The following RHBDD2 variants were observed in gnomAD, a reference collection of about 807,000 sequenced individuals.
RHBDD2 encodes rhomboid domain containing 2, also known as rhomboid domain-containing protein 2.
RHBDD2 carries 13 observed loss-of-function variants against 21.7 expected under a neutral mutation model. The observed-to-expected ratio is 0.60, with a 90% CI of 0.39 to 0.95. The LOEUF (loss-of-function observed/expected upper bound fraction) is 0.95, where lower values mean the gene tolerates loss of function less well. Ranked by LOEUF, RHBDD2 falls within the 40% of genes least tolerant of loss-of-function variation. The probability of loss-of-function intolerance (pLI) is 0.00; values close to 1 mark genes in which losing one functional copy is unlikely to be tolerated. For synonymous variants in RHBDD2, 225 were observed against 220.0 expected, an observed-to-expected ratio of 1.02 and a Z score of -0.20; for missense variants, 473 against 478.9, an observed-to-expected ratio of 0.99 and a Z score of 0.11.
chr7:75,884,179 C>T (rs920866095), intron 3 of RHBDD2, among the ~76,000 whole-genome samples: 29 of 152,146 alleles, frequency 1.9e-4, no homozygotes, highest in Non-Finnish European at 2.9e-5. Context: ...AGGCGTGAGC[C>T]ACTGCCCCCG....
Position 75,881,353 on chromosome 7 carries a change from TC to T in RHBDD2, c.179-474del, listed in dbSNP as rs1554542418. Reference sequence around the variant, plus strand: ...AAATAATTCATGGTCCCTTTTTTCTTCCTCTGAACAGCCACTATGGAAGGAG... The same window carrying T: ...AAATAATTCATGGTCCCTTTTTTCTTCTCTGAACAGCCACTATGGAAGGAG... On this transcript the variant is annotated intron_variant, in intron 1 of 3. Coordinates refer to ENST00000006777, the MANE Select transcript of RHBDD2 (RefSeq NM_001040456.3). 11 of 1,290,808 alleles carry T rather than the reference TC, an allele frequency of 8.5e-6. No individual in the cohort carries two copies. The South Asian group carries it at 9.9e-5, about 12-fold the overall frequency. The allele number at this position is 1,290,808 out of a possible 1,614,324, so 80.0% of individuals were successfully genotyped here. A position where few individuals can be genotyped will look rare whatever the true frequency, so the allele number is the denominator to read the frequency against.
chr7:75,882,245 C>T lies in RHBDD2; in HGVS notation c.586+9C>T. 2 of 1,599,950 alleles carry T rather than the reference C, an allele frequency of 1.3e-6. No individual in the cohort carries two copies. Among genetic ancestry groups the T allele is most frequent in the East Asian group, 4.5e-5 (2 of 44,736 alleles). On this transcript the variant is annotated intron_variant, in intron 2 of 3. Transcript: ENST00000006777. ...GTCCATCGGGCTGGCCTGTATCCTT[C>T]CTAGCAGAGAGCTATAGAACAACGC...
chr7:75,888,286 T>G lies in RHBDD2; in HGVS notation c.1032T>G (p.Ser344=), dbSNP rs782611896. Residue 344 remains serine, a synonymous_variant, in exon 4 of 4, where the codon TCT becomes TCG. Coordinates refer to ENST00000006777, the MANE Select transcript of RHBDD2 (RefSeq NM_001040456.3). ...TPVNSPGTVY[S]GALGTPGAAG... Reference sequence around the variant, plus strand: ...TGAACAGCCCTGGCACGGTGTATTCTGGGGCCTTGGGCACACCAGGGGCTG... The same window carrying G: ...TGAACAGCCCTGGCACGGTGTATTCGGGGGCCTTGGGCACACCAGGGGCTG... The G allele has an allele frequency of 6.2e-7, 1 of 1,613,352 alleles. No homozygotes were observed. Among genetic ancestry groups the G allele is most frequent in the Admixed American group, 1.7e-5 (1 of 60,028 alleles).
chr7:75,882,280 G>T, intron 2 of RHBDD2, 44 bp downstream of exon 2: 1 of 1,527,048 alleles, frequency 6.5e-7, no homozygotes, highest in Non-Finnish European at 8.8e-7. Context: ...CATGTCAAAG[G>T]GTGAACCAGG....
Position 75,883,846 on chromosome 7 carries a change from G to A in RHBDD2, c.735G>A (p.Arg245=), listed in dbSNP as rs1805486413. ...SSAERRAAQS[R]KLNPVPGSYP... ...CCGAGAGGAGGGCAGCCCAGAGCCG[G>A]AAGTAAGTGACAGAACTCTTAAGTG... The change falls in exon 3 of 4, where the codon CGG becomes CGA. Residue 245 remains arginine, a splice_region_variant and synonymous_variant. Transcript: ENST00000006777. 2 of 1,609,724 alleles carry A rather than the reference G, an allele frequency of 1.2e-6. No homozygotes were observed. Among genetic ancestry groups the A allele is most frequent in the Non-Finnish European group, 1.7e-6 (2 of 1,178,730 alleles).
chr7:75,888,366 G>A lies in RHBDD2; in HGVS notation c.*17G>A, dbSNP rs781873821. The A allele has an allele frequency of 3.1e-6, 5 of 1,591,516 alleles. No individual in the cohort carries two copies. In the South Asian group the frequency reaches 4.4e-5, roughly 14 times the overall value. On this transcript the variant is annotated 3_prime_UTR_variant, in exon 4 of 4. Coordinates refer to ENST00000006777, the MANE Select transcript of RHBDD2 (RefSeq NM_001040456.3). ...ATGCCCTGAGAGAATTTCTAGGGAA[G>A]TCATCTCACTTGGCCTTCTGAAGGT...
chr7:75,882,296 G>T, intron 2 of RHBDD2, 60 bp downstream of exon 2: 1 of 1,436,512 alleles, frequency 7.0e-7, no homozygotes, highest in Non-Finnish European at 9.4e-7. Context: ...CCAGGCTGGA[G>T]GGTCTGGGGT....
intron 3 of RHBDD2, among the ~76,000 whole-genome samples, chr7:75,885,540 G>A (rs181762944): frequency 5.3e-5 from 8 of 152,228 alleles, no homozygotes; most frequent in Non-Finnish European, 1.0e-4. Context: ...TGGGAAAGGC[G>A]TGTTCATCCA....
At position 75,888,857 on chromosome 7, in the gene RHBDD2, A is replaced by G. The variant is rs1231597012; in HGVS notation, c.*508A>G. On this transcript the variant is annotated 3_prime_UTR_variant, in exon 4 of 4. Transcript: ENST00000006777. ...CCCAGAAGCGGTGGGATGGGCCCCC[A>G]TGAACTGCAGCAGCATGCTGAGGTG... 3 of 165,076 alleles carry G rather than the reference A, an allele frequency of 1.8e-5. No individual in the cohort carries two copies. The highest frequency in any genetic ancestry group is 1.2e-4 in the Admixed American group (2 of 17,256). The allele number at this position is 165,076 out of a possible 1,614,324, so 10.2% of individuals were successfully genotyped here.
chr7:75,888,443 C>T lies in RHBDD2; in HGVS notation c.*94C>T, dbSNP rs782654432. On this transcript the variant is annotated 3_prime_UTR_variant, in exon 4 of 4. Coordinates refer to ENST00000006777, the MANE Select transcript of RHBDD2 (RefSeq NM_001040456.3). ...TTACTTATTGAACACCTCTATGTGC[C>T]AGGCTCTGTGTTGGGTACTTTGATC... 1.0e-6 allele frequency: 1 copy of T among 1,001,842 alleles called. No homozygotes were observed. Among genetic ancestry groups the T allele is most frequent in the Non-Finnish European group, 1.5e-6 (1 of 661,686 alleles). 62.1% of individuals were successfully genotyped at this position (1,001,842 alleles called of 1,614,324 possible).
In RHBDD2 at chr7:75,888,445, G is replaced by A; in HGVS notation, c.*96G>A. 1.0e-6 allele frequency: 1 copy of A among 990,932 alleles called. No individual in the cohort carries two copies. The allele number at this position is 990,932 out of a possible 1,614,324, so 61.4% of individuals were successfully genotyped here. A position where few individuals can be genotyped will look rare whatever the true frequency, so the allele number is the denominator to read the frequency against. On this transcript the variant is annotated 3_prime_UTR_variant, in exon 4 of 4. Coordinates refer to ENST00000006777, the MANE Select transcript of RHBDD2 (RefSeq NM_001040456.3). ...ACTTATTGAACACCTCTATGTGCCA[G>A]GCTCTGTGTTGGGTACTTTGATCAA...
intron 2 of RHBDD2, among the ~76,000 whole-genome samples, chr7:75,883,042 G>T (rs1275816820): frequency 1.3e-5 from 2 of 152,146 alleles, no homozygotes; most frequent in African/African-American, 4.8e-5. Context: ...AGTCCCTCAG[G>T]ATGATACTGG....
chr7:75,879,136 A>G lies in RHBDD2; in HGVS notation c.54A>G (p.Pro18=). 6.9e-7 allele frequency: 1 copy of G among 1,444,632 alleles called. No individual in the cohort carries two copies. The allele number at this position is 1,444,632 out of a possible 1,614,324, so 89.5% of individuals were successfully genotyped here. A position where few individuals can be genotyped will look rare whatever the true frequency, so the allele number is the denominator to read the frequency against. ...CRSWCLCPEV[P]SATFFTALLS... ...GCTGGTGCTTGTGTCCCGAGGTGCC[A>G]TCCGCCACCTTCTTCACTGCGCTGC... The change falls in exon 1 of 4, where the codon CCA becomes CCG. Residue 18 remains proline, a synonymous_variant. Coordinates refer to ENST00000006777, the MANE Select transcript of RHBDD2 (RefSeq NM_001040456.3).
At chr7:75,884,146 G>T (rs2116022436) in intron 3 of RHBDD2, among the ~76,000 whole-genome samples, 1 of 152,210 alleles carries the variant, frequency 6.6e-6, no homozygotes, top group Middle Eastern at 3.4e-3. Context: ...ACCTGCCTCG[G>T]CCTCCCAAAG....
chr7:75,883,317 A>G lies in RHBDD2; in HGVS notation c.587-381A>G, dbSNP rs574575034. 4.5e-4 allele frequency among the ~76,000 whole-genome samples: 69 copies of G among 152,142 alleles called. 1 individual carries two copies. Among genetic ancestry groups the G allele is most frequent in the African/African-American group, 1.6e-3 (68 of 41,510 alleles). Reference sequence around the variant, plus strand: ...AGGCAGATCACGAGGTCAGGAGTTTAAGACCAGCCTAGCCAATATGGTGAA... The same window carrying G: ...AGGCAGATCACGAGGTCAGGAGTTTGAGACCAGCCTAGCCAATATGGTGAA... On this transcript the variant is annotated intron_variant, in intron 2 of 3. Coordinates refer to ENST00000006777, the MANE Select transcript of RHBDD2 (RefSeq NM_001040456.3).
intron 2 of RHBDD2, 188 bp from the exon 3 acceptor site, chr7:75,883,510 C>G (rs1272222678): frequency 6.0e-6 from 3 of 501,586 alleles, no homozygotes; most frequent in Non-Finnish European, 1.1e-5. Flanking sequence ...TAGAGTGAGA[C>G]TCCATCTCAA....
rs1303999716 is a variant in RHBDD2 at position 75,888,263 on chromosome 7, A to G, written c.1009A>G (p.Asn337Asp). Residue 337 changes from asparagine to aspartate, a missense_variant, in exon 4 of 4, where the codon AAC becomes GAC. Physicochemically the swap from Asn to Asp is conservative, Grantham distance 23 (BLOSUM62 1). Coordinates refer to ENST00000006777, the MANE Select transcript of RHBDD2 (RefSeq NM_001040456.3). ...GGGCATCCAGCCCCCCACGCCTGTGAACAGCCCTGGCACGGTGTATTCTGG... is the reference window on the plus strand; with the variant it reads ...GGGCATCCAGCCCCCCACGCCTGTGGACAGCCCTGGCACGGTGTATTCTGG... ...SLGIQPPTPV[N>D]SPGTVYSGAL... The G allele has an allele frequency of 1.2e-5, 19 of 1,613,654 alleles. No homozygotes were observed. Among genetic ancestry groups the G allele is most frequent in the Non-Finnish European group, 1.6e-5 (19 of 1,180,028 alleles).
chr7:75,882,195 C>G lies in RHBDD2; in HGVS notation c.545C>G (p.Ser182Cys). 1 of 1,614,078 alleles carries G rather than the reference C, an allele frequency of 6.2e-7. No individual in the cohort carries two copies. The highest frequency in any genetic ancestry group is 8.5e-7 in the Non-Finnish European group (1 of 1,180,000). The change falls in exon 2 of 4, where the codon TCT becomes TGT. Residue 182 changes from serine (S) to cysteine (C), a missense_variant. Coordinates refer to ENST00000006777, the MANE Select transcript of RHBDD2 (RefSeq NM_001040456.3). Reference sequence around the variant, plus strand: ...GCCTCGTGGCTCATTCCCCAGACCTCTTTCCTCAGTAATGTCTGCGGGCTG... The same window carrying G: ...GCCTCGTGGCTCATTCCCCAGACCTGTTTCCTCAGTAATGTCTGCGGGCTG... The part of the protein sequence containing the change: ...LGASWLIPQT[S>C]FLSNVCGLSI...
chr7:75,881,435 C>T (rs1554542460), intron 1 of RHBDD2: 2 of 1,296,402 alleles, frequency 1.5e-6, no homozygotes, highest in Non-Finnish European at 2.0e-6. Context: ...GACACCCACT[C>T]AATCCACCCC....
Sources: gnomAD v4.1 joint callset for allele counts (sites outside exome capture counted in the v4.1 genomes callset) on GRCh38, gnomAD v4.1.1 for gene constraint, MANE v1.5 for transcripts, NCBI Gene and HGNC (gene_info 2026-07-23, HGNC 2026-07-21) for gene names.